ERCC6L2: variants seen among roughly 807,000 people sequenced by gnomAD.
The protein encoded by ERCC6L2 is ERCC excision repair 6 like 2.
Under a neutral mutation model 132.0 loss-of-function variants are expected in ERCC6L2, and 77 were observed. That is an observed-to-expected ratio of 0.58 (90% CI 0.49 to 0.71). The LOEUF is 0.71. Ranked by LOEUF, ERCC6L2 falls within the 30% of genes least tolerant of loss-of-function variation. ERCC6L2 has a pLI of 0.00. For missense variants in ERCC6L2, 1,542 were observed against 1,837.6 expected, an observed-to-expected ratio of 0.84 and a Z score of 2.94; for synonymous variants, 583 against 632.4, an observed-to-expected ratio of 0.92 and a Z score of 1.17.
chr9:95,941,428 G>A (rs374620346), intron 11 of ERCC6L2, 26 bp from the exon 12 acceptor site: 4 of 1,479,572 alleles, frequency 2.7e-6, no homozygotes, highest in Non-Finnish European at 2.8e-6. Context: ...GTTCTAATGT[G>A]CTTTTTTTTT....
At chr9:95,880,055 C>G (rs906241490) in intron 1 of ERCC6L2, among the ~76,000 whole-genome samples, 2 of 152,116 alleles carry the variant, frequency 1.3e-5, no homozygotes, top group Non-Finnish European at 2.9e-5. Flanking sequence ...AATAAAATAG[C>G]TGTATGGTTA....
chr9:96,036,860 G>A (rs1317407270), intron 19 of ERCC6L2, among the ~76,000 whole-genome samples: 5 of 147,600 alleles, frequency 3.4e-5, no homozygotes, highest in Middle Eastern at 3.5e-3. Context: ...TCCGCCTCCC[G>A]GGTTCACGCC....
chr9:95,880,209 T>C (rs1392193566), intron 1 of ERCC6L2, among the ~76,000 whole-genome samples: 1 of 152,166 alleles, frequency 6.6e-6, no homozygotes, highest in African/African-American at 2.4e-5. Context: ...TGTAGTTGAA[T>C]TGGAGGTTCC....
chr9:95,978,252 C>T lies in ERCC6L2; in HGVS notation c.3492+37C>T, dbSNP rs529906650. On this transcript the variant is annotated intron_variant, in intron 17 of 18. Coordinates refer to ENST00000653738, the MANE Select transcript of ERCC6L2 (RefSeq NM_020207.7). ...ATAGGGTAGTATCATCTTTAGTTAC[C>T]TCATTTTTCACAGAAGTTACTCAAT... is the stretch of plus-strand genomic sequence containing the variant. 7.8e-6 allele frequency: 10 copies of T among 1,283,100 alleles called. No individual in the cohort carries two copies. In the South Asian group the frequency reaches 1.3e-4, roughly 16 times the overall value. 79.5% of individuals were successfully genotyped at this position (1,283,100 alleles called of 1,614,324 possible).
intron 13 of ERCC6L2, among the ~76,000 whole-genome samples, chr9:95,957,757 A>G (rs1053902431): frequency 1.3e-5 from 2 of 152,134 alleles, no homozygotes; most frequent in African/African-American, 4.8e-5. Context: ...TCATGGAAGG[A>G]AAAGGCACTA....
At chr9:95,994,119 C>T (rs1317053353) in intron 17 of ERCC6L2, among the ~76,000 whole-genome samples, 1 of 152,028 alleles carries the variant, frequency 6.6e-6, no homozygotes, top group East Asian at 1.9e-4. Flanking sequence ...AGCAAAAATC[C>T]CGAAATGTTT....
At chr9:95,944,478 C>T (rs1386133552) in intron 12 of ERCC6L2, among the ~76,000 whole-genome samples, 2 of 152,086 alleles carry the variant, frequency 1.3e-5, no homozygotes, top group Non-Finnish European at 2.9e-5. Context: ...TTACTTAATC[C>T]CGTTGCACTG....
At chr9:95,883,032 C>G (rs990238741) in intron 2 of ERCC6L2, among the ~76,000 whole-genome samples, 1 of 152,074 alleles carries the variant, frequency 6.6e-6, no homozygotes, top group Non-Finnish European at 1.5e-5. Context: ...AGAAATTGAC[C>G]CTTCTGGTCC....
chr9:96,010,995 T>C (rs1834008719), intron 18 of ERCC6L2, among the ~76,000 whole-genome samples: 1 of 152,256 alleles, frequency 6.6e-6, no homozygotes, highest in Non-Finnish European at 1.5e-5. Context: ...ACTCACTATC[T>C]ATGACTTTTG....
At chr9:95,975,264 CT>C (rs1244503695) in intron 16 of ERCC6L2, among the ~76,000 whole-genome samples, 1 of 152,114 alleles carries the variant, frequency 6.6e-6, no homozygotes, top group Non-Finnish European at 1.5e-5. Flanking sequence ...TCGCATCGTT[CT>C]GGTTGTCTGA....
intron 4 of ERCC6L2, among the ~76,000 whole-genome samples, 175 bp from the exon 5 acceptor site, chr9:95,915,493 G>C (rs1042516781): frequency 6.6e-6 from 1 of 151,540 alleles, no homozygotes; most frequent in Non-Finnish European, 1.5e-5. Context: ...TATTTTTGTC[G>C]ACTGTCCAAG....
chr9:96,001,234 CT>C, intron 17 of ERCC6L2, among the ~76,000 whole-genome samples: 1 of 152,192 alleles, frequency 6.6e-6, no homozygotes, highest in Non-Finnish European at 1.5e-5. Context: ...AAGAACAAAT[CT>C]TCCACAGTGT....
intron 17 of ERCC6L2, among the ~76,000 whole-genome samples, chr9:95,995,094 C>A (rs772542005): frequency 6.6e-6 from 1 of 152,112 alleles, no homozygotes; most frequent in Non-Finnish European, 1.5e-5. Flanking sequence ...AATCATGTGC[C>A]TGTGAGGTAG....
At chr9:95,952,352 A>G (rs1284962703) in intron 12 of ERCC6L2, among the ~76,000 whole-genome samples, 1 of 152,114 alleles carries the variant, frequency 6.6e-6, no homozygotes, top group Non-Finnish European at 1.5e-5. Context: ...AAAAATACTC[A>G]GTAAAATGCC....
At chr9:95,991,453 A>G (rs1344691077) in intron 17 of ERCC6L2, among the ~76,000 whole-genome samples, 1 of 152,164 alleles carries the variant, frequency 6.6e-6, no homozygotes, top group African/African-American at 2.4e-5. Context: ...TGAGTTGCAA[A>G]TTGAACTAGC....
At chr9:95,879,671 T>G (rs1330769994) in intron 1 of ERCC6L2, among the ~76,000 whole-genome samples, 1 of 152,206 alleles carries the variant, frequency 6.6e-6, no homozygotes, top group East Asian at 1.9e-4. Context: ...TCATTATTGT[T>G]ATGGTAAAAT....
At chr9:95,977,039 T>C (rs1195352457) in intron 16 of ERCC6L2, among the ~76,000 whole-genome samples, 1 of 151,844 alleles carries the variant, frequency 6.6e-6, no homozygotes, top group Non-Finnish European at 1.5e-5. Context: ...TGAGGAATTA[T>C]TGCATAAACT....
chr9:96,004,556 CA>C lies in ERCC6L2; in HGVS notation c.3530del (p.His1177ProfsTer23). ...AAAAGTGGATGCAGATACATTGCCA[CA>C]CACAAAGAAAGGCCAGCAACCGAGT... ...KEKVDADTLP[H>X]TKKGQQPSEG... On this transcript the variant is annotated frameshift_variant, in exon 18 of 19. Coordinates refer to ENST00000653738, the MANE Select transcript of ERCC6L2 (RefSeq NM_020207.7). LOFTEE classifies it high-confidence loss of function. 1 of 1,308,632 alleles carries C rather than the reference CA, an allele frequency of 7.6e-7. No homozygotes were observed. The highest frequency in any genetic ancestry group is 1.0e-6 in the Non-Finnish European group (1 of 990,466). 81.1% of individuals were successfully genotyped at this position (1,308,632 alleles called of 1,614,324 possible). A position where few individuals can be genotyped will look rare whatever the true frequency, so the allele number is the denominator to read the frequency against.
intron 4 of ERCC6L2, among the ~76,000 whole-genome samples, chr9:95,908,143 TG>T (rs2132666169): frequency 1.3e-5 from 2 of 152,268 alleles, no homozygotes; most frequent in South Asian, 4.2e-4. Flanking sequence ...GCTTGTTATG[TG>T]CTGAATTGTG....
Sources: gnomAD v4.1 joint callset for allele counts (sites outside exome capture counted in the v4.1 genomes callset) on GRCh38, gnomAD v4.1.1 for gene constraint, MANE v1.5 for transcripts, NCBI Gene and HGNC (gene_info 2026-07-23, HGNC 2026-07-21) for gene names.